Variants in GALNT16 observed in about 807,000 individuals in gnomAD.
GALNT16 encodes the protein polypeptide N-acetylgalactosaminyltransferase 16.
In GALNT16, 40 loss-of-function variants were observed where a neutral mutation model predicts 76.1. That is an observed-to-expected ratio of 0.53 (90% CI 0.41 to 0.68). The LOEUF is 0.68. Ranked by LOEUF, GALNT16 falls within the 30% of genes least tolerant of loss-of-function variation. The pLI is 0.00. For missense variants in GALNT16, 621 were observed against 731.9 expected, an observed-to-expected ratio of 0.85 and a Z score of 1.75; for synonymous variants, 276 against 285.2, an observed-to-expected ratio of 0.97 and a Z score of 0.32.
chr14:69,329,491 C>G (rs2045326051), intron 6 of GALNT16, among the ~76,000 whole-genome samples: 1 of 152,142 alleles, frequency 6.6e-6, no homozygotes, highest in Non-Finnish European at 1.5e-5. Context: ...TAATGAGATG[C>G]CACTTCACAC....
chr14:69,346,969 G>A, intron 12 of GALNT16, 71 bp from the exon 13 acceptor site: 5 of 1,588,858 alleles, frequency 3.1e-6, no homozygotes, highest in African/African-American at 1.3e-5. Flanking sequence ...ATAGGATGCT[G>A]ACGTCTGGCA....
chr14:69,368,881 T>A, the GALNT16 span, among the ~76,000 whole-genome samples: 3 of 152,156 alleles, frequency 2.0e-5, no homozygotes, highest in Non-Finnish European at 2.9e-5. Flanking sequence ...GTGATGGGAA[T>A]GACACTAACA....
chr14:69,269,091 A>G (rs1274056450), intron 1 of GALNT16, among the ~76,000 whole-genome samples: 2 of 152,242 alleles, frequency 1.3e-5, no homozygotes, highest in Non-Finnish European at 2.9e-5. Flanking sequence ...TTTTCCAGCA[A>G]GATGGTCAAA....
At chr14:69,281,403 C>T (rs1359258396) in intron 1 of GALNT16, among the ~76,000 whole-genome samples, 1 of 152,174 alleles carries the variant, frequency 6.6e-6, no homozygotes, top group Admixed American at 6.5e-5. Context: ...CGGGGAGAAC[C>T]TAATTCAGCT....
In GALNT16 at chr14:69,333,321, C is replaced by T. The variant is rs974779539; in HGVS notation, c.863+152C>T. 4.3e-6 allele frequency: 3 copies of T among 699,356 alleles called. No homozygotes were observed. Among genetic ancestry groups the T allele is most frequent in the African/African-American group, 3.6e-5 (2 of 55,078 alleles). The allele number at this position is 699,356 out of a possible 1,614,324, so 43.3% of individuals were successfully genotyped here. ...CTTCGGACCCTGTATGCAGGGACAG[C>T]GAGGACAGAGGCCACGGGAACAGAT... On this transcript the variant is annotated intron_variant, in intron 8 of 14. Transcript: ENST00000448469. This position sits in a 1 kb window ranked among gnomAD's most constrained non-coding sequence, Gnocchi z 4.2.
At chr14:69,375,694 T>C in the GALNT16 span, among the ~76,000 whole-genome samples, 1 of 152,206 alleles carries the variant, frequency 6.6e-6, no homozygotes, top group South Asian at 2.1e-4. Flanking sequence ...CATGCTGGAG[T>C]GCAATCATAG....
chr14:69,299,015 A>G (rs2044809397), intron 1 of GALNT16, among the ~76,000 whole-genome samples: 3 of 152,354 alleles, frequency 2.0e-5, no homozygotes, highest in Non-Finnish European at 4.4e-5. Context: ...TTCTGCTGAG[A>G]ACAACTGGAC....
chr14:69,339,426 A>T, intron 10 of GALNT16, 101 bp from the exon 11 acceptor site: 1 of 784,102 alleles, frequency 1.3e-6, no homozygotes. Flanking sequence ...TGCTCCTGAG[A>T]TTCTCATCGT....
chr14:69,300,612 A>T (rs1406450164), intron 1 of GALNT16, among the ~76,000 whole-genome samples: 1 of 152,200 alleles, frequency 6.6e-6, no homozygotes, highest in Admixed American at 6.5e-5. Context: ...GGGTGTGCCC[A>T]TTTAACCTCT....
chr14:69,286,077 T>C (rs1360982504), intron 1 of GALNT16, among the ~76,000 whole-genome samples: 3 of 152,054 alleles, frequency 2.0e-5, no homozygotes, highest in African/African-American at 7.2e-5. Context: ...GGCTTGCCTT[T>C]GGGTGAGGTG....
Position 69,265,417 on chromosome 14 carries a change from G to A in GALNT16, c.177+4950G>A, listed in dbSNP as rs1376163681. 2.0e-5 allele frequency among the ~76,000 whole-genome samples: 3 copies of A among 152,182 alleles called. No homozygotes were observed. In the East Asian group the frequency reaches 5.8e-4, roughly 29 times the overall value. ...GCTTTCTTCCATGGTGGCTGTGTTT[G>A]TCCTTGCTGCAGGCAGAGGAAACCC... On this transcript the variant is annotated intron_variant, in intron 1 of 14. Transcript: ENST00000448469.
At chr14:69,289,760 A>G (rs920017392) in intron 1 of GALNT16, among the ~76,000 whole-genome samples, 15 of 152,128 alleles carry the variant, frequency 9.9e-5, no homozygotes, top group Non-Finnish European at 2.1e-4. Context: ...TTATTTGGAG[A>G]TAGAGTCTCA....
At chr14:69,288,538 G>T (rs2044647350) in intron 1 of GALNT16, among the ~76,000 whole-genome samples, 1 of 152,206 alleles carries the variant, frequency 6.6e-6, no homozygotes, top group South Asian at 2.1e-4. Context: ...CAGCAGGCTG[G>T]CCACGTTTCC....
chr14:69,306,922 G>A (rs1254069927), intron 1 of GALNT16, among the ~76,000 whole-genome samples: 2 of 152,202 alleles, frequency 1.3e-5, no homozygotes, highest in Non-Finnish European at 2.9e-5. Context: ...AAGATATTAG[G>A]TAAGGAAGAA....
chr14:69,267,559 A>G (rs1432421352), intron 1 of GALNT16, among the ~76,000 whole-genome samples: 7 of 152,194 alleles, frequency 4.6e-5, no homozygotes, highest in Non-Finnish European at 7.3e-5. Context: ...TTCAGAGGTG[A>G]GTGACATGCC....
At chr14:69,260,155 T>A, upstream of GALNT16, 1 of 39,974 alleles carries the variant, frequency 2.5e-5, no homozygotes, top group Non-Finnish European at 4.9e-5. Flanking sequence ...CCCCCCCACC[T>A]CTCTCCTTTT....
chr14:69,282,688 C>T (rs908626533), intron 1 of GALNT16, among the ~76,000 whole-genome samples: 1 of 118,148 alleles, frequency 8.5e-6, no homozygotes, highest in Non-Finnish European at 1.8e-5. Context: ...TTATTTGAGA[C>T]AGAGTCTCCC....
chr14:69,373,139 C>T, the GALNT16 span, among the ~76,000 whole-genome samples: 1 of 152,234 alleles, frequency 6.6e-6, no homozygotes, highest in Middle Eastern at 3.2e-3. Flanking sequence ...CACTAAAAGA[C>T]TCAACTATAC....
At chr14:69,324,077 G>A (rs139765283) in intron 2 of GALNT16, among the ~76,000 whole-genome samples, 10 of 152,144 alleles carry the variant, frequency 6.6e-5, no homozygotes, top group Middle Eastern at 6.8e-3. Context: ...AGGAAGTGAC[G>A]GGATAGGCCT....
Sources: allele counts gnomAD v4.1 joint callset (sites outside exome capture counted in the v4.1 genomes callset), GRCh38; gene constraint gnomAD v4.1.1; non-coding constraint Gnocchi (gnomAD v3.1); transcripts MANE v1.5; gene names NCBI Gene and HGNC (gene_info 2026-07-23, HGNC 2026-07-21).